DENND4C: variants seen among roughly 807,000 people sequenced by gnomAD.
DENND4C encodes DENN domain containing 4C, also known as DENN domain-containing protein 4C.
Under a neutral mutation model 203.0 loss-of-function variants are expected in DENND4C, and 108 were observed. The observed-to-expected ratio is 0.53, with a 90% CI of 0.46 to 0.62. The LOEUF is 0.62. DENND4C is among the 20% of genes least tolerant of loss of function. The pLI, the probability that DENND4C is intolerant of heterozygous loss-of-function variation, is 0.00. For missense variants in DENND4C, 2,481 were observed against 2,301.2 expected (o/e 1.08, Z -1.60); for synonymous variants, 871 against 792.4 (o/e 1.10, Z -1.67).
Position 19,286,771 on chromosome 9 carries a change from T to C in DENND4C, c.308T>C (p.Val103Ala). Residue 103 changes from valine to alanine, a missense_variant and splice_region_variant, in exon 3 of 33, where the codon GTT becomes GCT. This residue lies in a region of DENND4C where 187 missense variants were observed against 167.4 expected (regional missense o/e 1.12). Transcript: ENST00000434457. ...TTCTTCCCCTTCCTGCCATGCAGAG[T>C]TCTATATGAAGGGAAAGAACGGCTT... ...RDKPPLTDIG[V>A]LYEGKERLIP... 1 of 1,232,032 alleles carries C rather than the reference T, an allele frequency of 8.1e-7. No individual in the cohort carries two copies. The highest frequency in any genetic ancestry group is 1.0e-6 in the Non-Finnish European group (1 of 987,924). The allele number at this position is 1,232,032 out of a possible 1,614,324, so 76.3% of individuals were successfully genotyped here.
At chr9:19,273,041 C>T (rs1009519403) in intron 1 of DENND4C, among the ~76,000 whole-genome samples, 8 of 150,988 alleles carry the variant, frequency 5.3e-5, no homozygotes, top group Non-Finnish European at 1.0e-4. Flanking sequence ...CTCCACCTCC[C>T]GGGTTCACGC....
intron 1 of DENND4C, among the ~76,000 whole-genome samples, chr9:19,264,102 A>T (rs1270303817): frequency 2.0e-5 from 3 of 152,222 alleles, no homozygotes; most frequent in African/African-American, 7.2e-5. Context: ...ATCTTTGGTA[A>T]AATTCAGCAG....
chr9:19,358,231 C>T lies in DENND4C; in HGVS notation c.5160+71C>T. 2 of 1,239,474 alleles carry T rather than the reference C, an allele frequency of 1.6e-6. No individual in the cohort carries two copies. Among genetic ancestry groups the T allele is most frequent in the Non-Finnish European group, 2.2e-6 (2 of 909,492 alleles). 76.8% of individuals were successfully genotyped at this position (1,239,474 alleles called of 1,614,324 possible). Reference sequence around the variant, plus strand: ...AGTATATAGTAGAACATTATAAATTCTTCTGTAGTGGACTTATTTTAATTA... The same window carrying T: ...AGTATATAGTAGAACATTATAAATTTTTCTGTAGTGGACTTATTTTAATTA... On this transcript the variant is annotated intron_variant, in intron 28 of 32. Coordinates refer to ENST00000434457, the MANE Select transcript of DENND4C (RefSeq NM_001330640.2). This position sits in a 1 kb window ranked among gnomAD's most constrained non-coding sequence, Gnocchi z 4.8.
intron 2 of DENND4C, among the ~76,000 whole-genome samples, chr9:19,283,266 C>G (rs1226209389): frequency 6.6e-6 from 1 of 152,090 alleles, no homozygotes; most frequent in Non-Finnish European, 1.5e-5. Flanking sequence ...CTCTGCCTTC[C>G]ATCGCCACAT....
At chr9:19,236,638 G>C (rs1215595765) in intron 1 of DENND4C, among the ~76,000 whole-genome samples, 1 of 152,178 alleles carries the variant, frequency 6.6e-6, no homozygotes, top group African/African-American at 2.4e-5. Flanking sequence ...TCATCATCCA[G>C]AACATCTTGA....
At chr9:19,334,865 C>G (rs1588943354) in intron 17 of DENND4C, 112 bp from the exon 18 acceptor site, 1 of 1,127,910 alleles carries the variant, frequency 8.9e-7, no homozygotes, top group Non-Finnish European at 1.2e-6. Context: ...CAAAGCAGAA[C>G]AAAGGAGAAA....
At chr9:19,348,999 T>C (rs1823516659) in intron 23 of DENND4C, among the ~76,000 whole-genome samples, 1 of 151,976 alleles carries the variant, frequency 6.6e-6, no homozygotes, top group African/African-American at 2.4e-5. Flanking sequence ...AGAGATAGGG[T>C]CTTGCTATGT....
chr9:19,275,040 GA>G (rs1383141495), intron 1 of DENND4C, among the ~76,000 whole-genome samples: 1 of 150,576 alleles, frequency 6.6e-6, no homozygotes, highest in Non-Finnish European at 1.5e-5. Flanking sequence ...GCAGTGGCAC[GA>G]TCCTGGCTCA....
Position 19,336,328 on chromosome 9 carries a change from A to C in DENND4C, c.2648A>C (p.Lys883Thr). The C allele has an allele frequency of 6.2e-7, 1 of 1,614,074 alleles. No individual in the cohort carries two copies. Among genetic ancestry groups the C allele is most frequent in the Non-Finnish European group, 8.5e-7 (1 of 1,179,980 alleles). Residue 883 changes from lysine (K) to threonine (T), a missense_variant, in exon 19 of 33, where the codon AAG becomes ACG. Transcript: ENST00000434457. ...STRSGIFLWT[K>T]VRNVVRGLAQ... ...CGCAGTGGTATTTTCTTATGGACGA[A>C]GGTACGGAATGTGGTACGTGGCTTG...
chr9:19,347,644 A>G (rs906805563), intron 23 of DENND4C, among the ~76,000 whole-genome samples: 3 of 152,246 alleles, frequency 2.0e-5, no homozygotes, highest in Non-Finnish European at 4.4e-5. Flanking sequence ...CTTGAACCGT[A>G]TATGTAAGGA....
intron 1 of DENND4C, among the ~76,000 whole-genome samples, chr9:19,274,147 C>G (rs1318103279): frequency 6.6e-6 from 1 of 151,622 alleles, no homozygotes; most frequent in African/African-American, 2.4e-5. Flanking sequence ...GTAAAGAAGC[C>G]AGAGAAAAAA....
chr9:19,266,389 T>C lies in DENND4C; in HGVS notation c.-17-9769T>C, dbSNP rs1290802992. On this transcript the variant is annotated intron_variant, in intron 1 of 32. Coordinates refer to ENST00000434457, the MANE Select transcript of DENND4C (RefSeq NM_001330640.2). ...TGTCAGATGGGTAGATTGTAAAAATTTTCTCCTGTTCTATAGGTTGCCTGT... is the reference window on the plus strand; with the variant it reads ...TGTCAGATGGGTAGATTGTAAAAATCTTCTCCTGTTCTATAGGTTGCCTGT... Among the ~76,000 whole-genome samples, 4 of 102,064 alleles carry C rather than the reference T, an allele frequency of 3.9e-5. No homozygotes were observed. The Admixed American group carries it at 4.2e-4, about 11-fold the overall frequency. The allele number at this position is 102,064 out of a possible 152,430, so 67.0% of individuals were successfully genotyped here.
At chr9:19,295,969 C>A in intron 5 of DENND4C, 39 bp from the exon 6 acceptor site, 1 of 1,463,920 alleles carries the variant, frequency 6.8e-7, no homozygotes, top group Non-Finnish European at 9.4e-7. Context: ...TTTTTTCAAA[C>A]AAACTCAAAT....
chr9:19,278,438 T>G (rs1317621898), intron 2 of DENND4C, among the ~76,000 whole-genome samples: 5 of 152,072 alleles, frequency 3.3e-5, no homozygotes, highest in African/African-American at 1.2e-4. Flanking sequence ...CACTGATTGT[T>G]CTCTTTATAG....
intron 20 of DENND4C, among the ~76,000 whole-genome samples, chr9:19,338,869 T>C (rs1821033887): frequency 6.6e-6 from 1 of 152,180 alleles, no homozygotes; most frequent in African/African-American, 2.4e-5. Flanking sequence ...GTGTAATAAG[T>C]GATGGAAAAT....
intron 1 of DENND4C, among the ~76,000 whole-genome samples, chr9:19,246,713 C>T (rs1002021717): frequency 7.3e-5 from 11 of 151,502 alleles, no homozygotes; most frequent in African/African-American, 1.9e-4. Context: ...GGGTTATCTT[C>T]GATATTTTTG....
chr9:19,269,631 C>T (rs374512276), intron 1 of DENND4C, among the ~76,000 whole-genome samples: 1 of 152,216 alleles, frequency 6.6e-6, no homozygotes, highest in Non-Finnish European at 1.5e-5. Context: ...TAAAATTCAT[C>T]TGATAGGATT....
chr9:19,270,305 C>T (rs1831376868), intron 1 of DENND4C, among the ~76,000 whole-genome samples: 1 of 152,114 alleles, frequency 6.6e-6, no homozygotes, highest in Admixed American at 6.5e-5. Flanking sequence ...CTTTATTCAG[C>T]GGGTTGTGAA....
intron 5 of DENND4C, among the ~76,000 whole-genome samples, chr9:19,292,969 C>G (rs1355852724): frequency 2.0e-5 from 3 of 152,152 alleles, no homozygotes; most frequent in African/African-American, 7.2e-5. Context: ...ACAGGCTACA[C>G]CTTTATAACT....
Sources: allele counts gnomAD v4.1 joint callset (sites outside exome capture counted in the v4.1 genomes callset), GRCh38; gene constraint gnomAD v4.1.1; regional missense constraint gnomAD v4.1.1; non-coding constraint Gnocchi (gnomAD v3.1); transcripts MANE v1.5; gene names NCBI Gene and HGNC (gene_info 2026-07-23, HGNC 2026-07-21).